LURAP1L: variants seen among roughly 807,000 people sequenced by gnomAD.
LURAP1L encodes leucine rich adaptor protein 1 like, also known as leucine rich adaptor protein 1-like.
Under a neutral mutation model 13.8 loss-of-function variants are expected in LURAP1L, and 12 were observed. That is an observed-to-expected ratio of 0.87 (90% CI 0.56 to 1.41). The LOEUF is 1.41. Among genes scored for constraint, LURAP1L ranks in the 40% most tolerant of loss-of-function variants. The pLI, the probability that LURAP1L is intolerant of heterozygous loss-of-function variation, is 0.00. For synonymous variants in LURAP1L, 139 were observed against 119.2 expected (o/e 1.17, Z -1.08); for missense variants, 375 against 292.9 (o/e 1.28, Z -2.04).
At chr9:12,776,671 T>C (rs986887502) in intron 1 of LURAP1L, among the ~76,000 whole-genome samples, 6 of 152,116 alleles carry the variant, frequency 3.9e-5, no homozygotes, top group South Asian at 2.1e-4. Flanking sequence ...TGTTTCACTA[T>C]TTTGATCCCA....
rs554023378 is a variant in LURAP1L, at chr9:12,781,599, C to T, written c.312+5572C>T. The stretch of plus-strand genomic sequence containing the variant: ...GCAAATGACAGATTCTAATTCTTTT[C>T]TTCTGGCTGATTAGTACTCTATTGT... On this transcript the variant is annotated intron_variant, in intron 1 of 1. Transcript: ENST00000319264. Among the ~76,000 whole-genome samples, 7 of 152,286 alleles carry T rather than the reference C, an allele frequency of 4.6e-5. No homozygotes were observed. The South Asian group carries it at 1.5e-3, about 32-fold the overall frequency.
chr9:12,788,084 C>A (rs1819383185), intron 1 of LURAP1L, among the ~76,000 whole-genome samples: 1 of 148,722 alleles, frequency 6.7e-6, no homozygotes, highest in Admixed American at 6.9e-5. Context: ...TGCTTTCCAG[C>A]CTTGGTGACA....
chr9:12,794,700 G>T (rs1049018069), intron 1 of LURAP1L, among the ~76,000 whole-genome samples: 3 of 151,778 alleles, frequency 2.0e-5, no homozygotes, highest in African/African-American at 4.8e-5. Context: ...CTCACTCTTT[G>T]TTGAGCAACT....
chr9:12,822,513 A>C lies in LURAP1L; in HGVS notation c.*753A>C, dbSNP rs1819895177. Among the ~76,000 whole-genome samples, 1 of 152,204 alleles carries C rather than the reference A, an allele frequency of 6.6e-6. No individual in the cohort carries two copies. The highest frequency in any genetic ancestry group is 6.5e-5 in the Admixed American group (1 of 15,282). ...TTCAAGGCAAAAATGTCCTAAATTT[A>C]ATTGCATTTTGAGATTTTGTTGGCA... is the stretch of plus-strand genomic sequence containing the variant. On this transcript the variant is annotated 3_prime_UTR_variant, in exon 2 of 2. Coordinates refer to ENST00000319264, the MANE Select transcript of LURAP1L (RefSeq NM_203403.2).
chr9:12,821,333 C>G (rs943060395), intron 1 of LURAP1L, 53 bp from the exon 2 acceptor site: 1 of 1,556,982 alleles, frequency 6.4e-7, no homozygotes, highest in Non-Finnish European at 8.7e-7. Context: ...GAATTTGAGG[C>G]CTTTCGAGAG....
chr9:12,789,853 C>T (rs758580837), intron 1 of LURAP1L, among the ~76,000 whole-genome samples: 3 of 152,134 alleles, frequency 2.0e-5, no homozygotes, highest in East Asian at 3.8e-4. Context: ...TAAATTAAGA[C>T]TACAGATAAA....
intron 1 of LURAP1L, among the ~76,000 whole-genome samples, chr9:12,796,322 G>C (rs1819511263): frequency 6.6e-6 from 1 of 151,838 alleles, no homozygotes; most frequent in Non-Finnish European, 1.5e-5. Flanking sequence ...GGCCATTTTT[G>C]TTACCATTTT....
At chr9:12,809,461 C>A (rs1819707955) in intron 1 of LURAP1L, among the ~76,000 whole-genome samples, 1 of 152,148 alleles carries the variant, frequency 6.6e-6, no homozygotes, top group South Asian at 2.1e-4. Flanking sequence ...TGATTTCTTG[C>A]ATTTTCATTT....
Position 12,821,530 on chromosome 9 carries a change from T to C in LURAP1L, c.457T>C (p.Leu153=), listed in dbSNP as rs149400787. 1 of 1,614,170 alleles carries C rather than the reference T, an allele frequency of 6.2e-7. No individual in the cohort carries two copies. The highest frequency in any genetic ancestry group is 8.5e-7 in the Non-Finnish European group (1 of 1,180,034). ...SSLSGSLCSL[L]ESQSTSLRGS... ...CCTCAGTGGCAGCCTGTGCAGTTTG[T>C]TGGAGAGTCAGAGCACCTCCTTACG... Residue 153 remains leucine, a synonymous_variant, in exon 2 of 2, where the codon TTG becomes CTG. Transcript: ENST00000319264.
At chr9:12,791,147 ATAAG>A (rs1365339916) in intron 1 of LURAP1L, among the ~76,000 whole-genome samples, 1 of 152,144 alleles carries the variant, frequency 6.6e-6, no homozygotes, top group East Asian at 1.9e-4. Context: ...CAGTGTTCAC[ATAAG>A]TAAGATGGAT....
chr9:12,807,559 T>A (rs1819676894), intron 1 of LURAP1L, among the ~76,000 whole-genome samples: 1 of 152,176 alleles, frequency 6.6e-6, no homozygotes, highest in African/African-American at 2.4e-5. Context: ...GAAATTAATC[T>A]GTAACTTTAT....
intron 1 of LURAP1L, among the ~76,000 whole-genome samples, chr9:12,818,186 G>A (rs1371507063): frequency 1.3e-5 from 2 of 150,970 alleles, no homozygotes; most frequent in African/African-American, 4.9e-5. Flanking sequence ...ATGGTCAAAG[G>A]AAGCTTTTGT....
At position 12,775,527 on chromosome 9, in the gene LURAP1L, C is replaced by T. The variant is rs997956810; in HGVS notation, c.-189C>T. On this transcript the variant is annotated 5_prime_UTR_variant, in exon 1 of 2. Coordinates refer to ENST00000319264, the MANE Select transcript of LURAP1L (RefSeq NM_203403.2). ...CGGACTGGGAACTGCAGCTGCGACC[C>T]CCCGCGTCCTGTGCGGATTTCAGGG... 152 of 827,246 alleles carry T rather than the reference C, an allele frequency of 1.8e-4. No homozygotes were observed. The highest frequency in any genetic ancestry group is 1.2e-4 in the Non-Finnish European group (69 of 576,848). The allele number at this position is 827,246 out of a possible 1,614,324, so 51.2% of individuals were successfully genotyped here. A position where few individuals can be genotyped will look rare whatever the true frequency, so the allele number is the denominator to read the frequency against.
At chr9:12,779,679 A>C (rs1819243124) in intron 1 of LURAP1L, among the ~76,000 whole-genome samples, 1 of 152,214 alleles carries the variant, frequency 6.6e-6, no homozygotes, top group Non-Finnish European at 1.5e-5. Flanking sequence ...AGCCAGGATG[A>C]GGTCAGAATC....
At chr9:12,807,118 T>TATATATA (rs1563896115) in intron 1 of LURAP1L, among the ~76,000 whole-genome samples, 4 of 133,742 alleles carry the variant, frequency 3.0e-5, no homozygotes, top group East Asian at 2.3e-4. Context: ...TATATATATA[T>TATATATA]TAGCCGGGCG....
At chr9:12,781,706 C>A (rs1181569619) in intron 1 of LURAP1L, among the ~76,000 whole-genome samples, 2 of 152,272 alleles carry the variant, frequency 1.3e-5, no homozygotes, top group Admixed American at 6.5e-5. Context: ...GTGAATAGTG[C>A]TGCAATAGAC....
At chr9:12,816,003 T>C (rs927222660) in intron 1 of LURAP1L, among the ~76,000 whole-genome samples, 8 of 152,210 alleles carry the variant, frequency 5.3e-5, no homozygotes, top group African/African-American at 1.9e-4. Flanking sequence ...CTGGAGTTAC[T>C]GAGCAGCAGA....
intron 1 of LURAP1L, among the ~76,000 whole-genome samples, chr9:12,819,592 A>T (rs78447550): frequency 0.023 from 3,552 of 152,262 alleles, 56 homozygotes; most frequent in Non-Finnish European, 0.039. Context: ...CTGGATCCTA[A>T]AGAAAGAATT....
rs533373946 is a variant in LURAP1L at position 12,788,848 on chromosome 9, G to C, written c.312+12821G>C. On this transcript the variant is annotated intron_variant, in intron 1 of 1. Transcript: ENST00000319264. ...AGTTTGGTAAGAAAAACTATTTTGA[G>C]GTCAGGAGTTCAAGACCAGCCTGGG... 1.2e-4 allele frequency among the ~76,000 whole-genome samples: 18 copies of C among 151,458 alleles called. No individual in the cohort carries two copies. In the South Asian group the frequency reaches 3.5e-3, roughly 30 times the overall value.
Sources: gnomAD v4.1 joint callset for allele counts (sites outside exome capture counted in the v4.1 genomes callset) on GRCh38, gnomAD v4.1.1 for gene constraint, MANE v1.5 for transcripts, NCBI Gene and HGNC (gene_info 2026-07-23, HGNC 2026-07-21) for gene names.